ARHGEF10: variants seen among roughly 807,000 people sequenced by gnomAD.
The protein encoded by ARHGEF10 is Rho guanine nucleotide exchange factor 10.
A neutral mutation model predicts 147.4 loss-of-function variants in ARHGEF10; 140 were observed. The ratio of observed to expected loss-of-function variants is 0.95; its 90% CI spans 0.83 to 1.09. ARHGEF10 has a LOEUF of 1.09. Ranked by LOEUF, ARHGEF10 falls within the 50% of genes least tolerant of loss-of-function variation. ARHGEF10 has a pLI of 0.00. For synonymous variants in ARHGEF10, 902 were observed against 695.8 expected (o/e 1.30, Z -4.67); for missense variants, 2,222 against 1,752.7 (o/e 1.27, Z -4.78).
At chr8:1,842,596 G>A (rs113442795) in intron 1 of ARHGEF10, among the ~76,000 whole-genome samples, 70 of 152,300 alleles carry the variant, frequency 4.6e-4, no homozygotes, top group East Asian at 3.7e-3. Flanking sequence ...CCTGGTCCCC[G>A]GTGCTAGAGC....
chr8:1,923,096 T>C lies in ARHGEF10; in HGVS notation c.2259+17T>C, dbSNP rs766429968. Reference sequence around the variant, plus strand: ...AACTATCAGGTAACAATTGAAGCAATTGGATTTAAGATTCTGCCTTTACTT... The same window carrying C: ...AACTATCAGGTAACAATTGAAGCAACTGGATTTAAGATTCTGCCTTTACTT... On this transcript the variant is annotated intron_variant, in intron 19 of 28. Transcript: ENST00000349830. 12 of 1,545,610 alleles carry C rather than the reference T, an allele frequency of 7.8e-6. No individual in the cohort carries two copies. Among genetic ancestry groups the C allele is most frequent in the Admixed American group, 6.7e-5 (4 of 59,818 alleles).
intron 17 of ARHGEF10, among the ~76,000 whole-genome samples, chr8:1,906,871 G>A (rs908003315): frequency 9.9e-5 from 15 of 152,212 alleles, no homozygotes; most frequent in Non-Finnish European, 1.0e-4. Flanking sequence ...ATCATCGTCA[G>A]TGACTTTGTG....
intron 4 of ARHGEF10, among the ~76,000 whole-genome samples, chr8:1,863,365 C>T (rs781476391): frequency 6.6e-6 from 1 of 152,234 alleles, no homozygotes; most frequent in Non-Finnish European, 1.5e-5. Context: ...ATGAGACCTC[C>T]AAGCAGGTTA....
intron 1 of ARHGEF10, among the ~76,000 whole-genome samples, chr8:1,838,109 T>C (rs1421859026): frequency 6.6e-6 from 1 of 152,206 alleles, no homozygotes; most frequent in East Asian, 1.9e-4. Flanking sequence ...GAGGTCCTGG[T>C]GCACCGTGGA....
At position 1,889,076 on chromosome 8, in the gene ARHGEF10, T is replaced by C. The variant is rs1366719781; in HGVS notation, c.1182+3369T>C. Among the ~76,000 whole-genome samples, 2 of 57,316 alleles carry C rather than the reference T, an allele frequency of 3.5e-5. 1 individual carries two copies. Among genetic ancestry groups the C allele is most frequent in the South Asian group, 1.6e-3 (2 of 1,246 alleles). 37.6% of individuals were successfully genotyped at this position (57,316 alleles called of 152,430 possible). On this transcript the variant is annotated intron_variant, in intron 11 of 28. Transcript: ENST00000349830. The stretch of plus-strand genomic sequence containing the variant: ...GGTCATGAGGAGACAGTGATTGGGG[T>C]GAGGGGTCCGTGAGGAGACACTGAG...
At chr8:1,944,673 G>A (rs965803974) in intron 26 of ARHGEF10, among the ~76,000 whole-genome samples, 4 of 152,322 alleles carry the variant, frequency 2.6e-5, no homozygotes, top group South Asian at 2.1e-4. Context: ...GTGCAGGATC[G>A]TGAGTTTCTT....
rs1810635822 is a variant in ARHGEF10 at position 1,903,421 on chromosome 8, C to G, written c.1791C>G (p.Ala597=). The part of the protein sequence containing the change: ...ADQRCEVKQI[A]KAINERYLNK... Reference sequence around the variant, plus strand: ...AACGCTGTGAAGTGAAGCAAATAGCCAAAGCCATAAACGAAAGATACCTGA... The same window carrying G: ...AACGCTGTGAAGTGAAGCAAATAGCGAAAGCCATAAACGAAAGATACCTGA... Residue 597 remains alanine (A), a synonymous_variant, in exon 16 of 29, where the codon GCC becomes GCG. Coordinates refer to ENST00000349830, the MANE Select transcript of ARHGEF10 (RefSeq NM_014629.4). 1.2e-6 allele frequency: 2 copies of G among 1,614,126 alleles called. No individual in the cohort carries two copies. Among genetic ancestry groups the G allele is most frequent in the Non-Finnish European group, 1.7e-6 (2 of 1,180,042 alleles).
rs571816251 is a variant in ARHGEF10 at position 1,913,970 on chromosome 8, C to T, written c.2143+4500C>T. On this transcript the variant is annotated intron_variant, in intron 18 of 28. Coordinates refer to ENST00000349830, the MANE Select transcript of ARHGEF10 (RefSeq NM_014629.4). The stretch of plus-strand genomic sequence containing the variant: ...ATAGAGAGGGGAACTTCCAGGCAAA[C>T]GCGGAAAGGGTCGTGGGTGAGGTCA... Among the ~76,000 whole-genome samples, 14 of 152,270 alleles carry T rather than the reference C, an allele frequency of 9.2e-5. No homozygotes were observed. In the South Asian group the frequency reaches 1.2e-3, roughly 14 times the overall value.
At chr8:1,949,458 C>T (rs566876383) in intron 27 of ARHGEF10, among the ~76,000 whole-genome samples, 7 of 152,314 alleles carry the variant, frequency 4.6e-5, no homozygotes, top group South Asian at 2.1e-4. Context: ...AGTGAGTTCA[C>T]GGCGCCTCAG....
At position 1,928,643 on chromosome 8, in the gene ARHGEF10, G is replaced by A. The variant is rs903093966; in HGVS notation, c.2914G>A (p.Glu972Lys). ...CCCCACGATCTGTGTAGGGACGGAGGAGGGAAGGTAGGGCATGCTCACTGC... is the reference window on the plus strand; with the variant it reads ...CCCCACGATCTGTGTAGGGACGGAGAAGGGAAGGTAGGGCATGCTCACTGC... ...DVPTICVGTE[E>K]GSISIYKSSQ... Residue 972 changes from glutamate (E) to lysine (K), a missense_variant, in exon 24 of 29, where the codon GAG becomes AAG. By Grantham distance (56) the Glu-to-Lys change is moderately conservative. Coordinates refer to ENST00000349830, the MANE Select transcript of ARHGEF10 (RefSeq NM_014629.4). The A allele has an allele frequency of 3.7e-6, 6 of 1,614,170 alleles. No individual in the cohort carries two copies. The highest frequency in any genetic ancestry group is 4.2e-6 in the Non-Finnish European group (5 of 1,180,048).
chr8:1,886,663 C>G (rs1808683982), intron 11 of ARHGEF10, among the ~76,000 whole-genome samples: 1 of 152,180 alleles, frequency 6.6e-6, no homozygotes, highest in East Asian at 1.9e-4. Context: ...AGCTGTCACT[C>G]ATGGGTGTGC....
intron 25 of ARHGEF10, among the ~76,000 whole-genome samples, chr8:1,930,361 A>G (rs1178643314): frequency 6.7e-6 from 1 of 148,368 alleles, no homozygotes; most frequent in Non-Finnish European, 1.5e-5. Flanking sequence ...CATCATCACC[A>G]CCCTGGTCCA....
intron 1 of ARHGEF10, among the ~76,000 whole-genome samples, chr8:1,833,546 G>A (rs1318889510): frequency 6.6e-6 from 1 of 152,198 alleles, no homozygotes; most frequent in African/African-American, 2.4e-5. Context: ...CCTCACGGCT[G>A]CCTCTGGCTC....
rs1367576576 is a variant in ARHGEF10, at chr8:1,841,890, G to A, written c.-47-1463G>A. ...GGCCGCGGCGGGAACTGGGGCCGCG[G>A]CGGGAACTGGGGCCGCGGCGGGAAC... On this transcript the variant is annotated intron_variant, in intron 1 of 28. Coordinates refer to ENST00000349830, the MANE Select transcript of ARHGEF10 (RefSeq NM_014629.4). 3.6e-3 allele frequency among the ~76,000 whole-genome samples: 350 copies of A among 98,552 alleles called. 1 individual carries two copies. The highest frequency in any genetic ancestry group is 7.7e-3 in the African/African-American group (186 of 24,180). 64.7% of individuals were successfully genotyped at this position (98,552 alleles called of 152,430 possible).
chr8:1,892,769 T>C (rs1809651543), intron 11 of ARHGEF10, among the ~76,000 whole-genome samples: 1 of 152,130 alleles, frequency 6.6e-6, no homozygotes, highest in African/African-American at 2.4e-5. Flanking sequence ...GTGCGCATGC[T>C]GGTTTAGGAG....
At chr8:1,885,159 C>A (rs1433478706) in intron 10 of ARHGEF10, among the ~76,000 whole-genome samples, 6 of 152,152 alleles carry the variant, frequency 3.9e-5, no homozygotes, top group African/African-American at 1.4e-4. Context: ...TACTAAGTGC[C>A]ACCTCAGTTT....
intron 18 of ARHGEF10, among the ~76,000 whole-genome samples, chr8:1,920,223 T>C (rs544600903): frequency 2.6e-5 from 4 of 152,348 alleles, no homozygotes; most frequent in African/African-American, 9.6e-5. Flanking sequence ...ACACCAAAAA[T>C]AGAAGGGTCA....
intron 11 of ARHGEF10, among the ~76,000 whole-genome samples, chr8:1,890,867 C>G (rs73671029): frequency 0.092 from 13,930 of 152,120 alleles, 1,767 homozygotes; most frequent in African/African-American, 0.29. Flanking sequence ...GGTGGATTTG[C>G]TCAGCGAATT....
At chr8:1,840,447 C>T (rs1284336689) in intron 1 of ARHGEF10, among the ~76,000 whole-genome samples, 12 of 115,360 alleles carry the variant, frequency 1.0e-4, no homozygotes, top group Non-Finnish European at 1.3e-4. Context: ...GGGGACTGTC[C>T]GGTGTGGAAG....
Sources: allele counts gnomAD v4.1 joint callset (sites outside exome capture counted in the v4.1 genomes callset), GRCh38; gene constraint gnomAD v4.1.1; transcripts MANE v1.5; gene names NCBI Gene and HGNC (gene_info 2026-07-23, HGNC 2026-07-21).